The following RERE variants were observed in gnomAD, a reference collection of about 807,000 sequenced individuals.
RERE encodes the protein arginine-glutamic acid dipeptide repeats, also known as arginine-glutamic acid dipeptide repeats protein.
Under a neutral mutation model 146.1 loss-of-function variants are expected in RERE, and 40 were observed. The ratio of observed to expected loss-of-function variants is 0.27; its 90% CI spans 0.21 to 0.36. The LOEUF is 0.36. RERE is among the 10% of genes least tolerant of loss of function. RERE has a pLI of 1.00. For missense variants in RERE, 1,933 were observed against 2,138.7 expected, an observed-to-expected ratio of 0.90 and a Z score of 1.90; for synonymous variants, 1,003 against 866.0, an observed-to-expected ratio of 1.16 and a Z score of -2.78.
At position 8,715,443 on chromosome 1, in the gene RERE, G is replaced by A. The variant is rs561779000; in HGVS notation, c.-144-59002C>T. Among the ~76,000 whole-genome samples, 46 of 151,996 alleles carry A rather than the reference G, an allele frequency of 3.0e-4. 1 individual carries two copies. In the East Asian group the frequency reaches 7.8e-3, roughly 26 times the overall value. On this transcript the variant is annotated intron_variant, in intron 1 of 22. Transcript: ENST00000400908. ...GGAGAATCGCTTGAACCCAGGAGGC[G>A]GAGGTTTTGGTAAGCCGAGATTGCA...
At chr1:8,729,608 C>A (rs1640042957) in intron 1 of RERE, among the ~76,000 whole-genome samples, 1 of 152,056 alleles carries the variant, frequency 6.6e-6, no homozygotes. Context: ...ACCATACAAC[C>A]TGAAAAGACT....
At chr1:8,587,998 C>T (rs894942577) in intron 4 of RERE, among the ~76,000 whole-genome samples, 4 of 152,098 alleles carry the variant, frequency 2.6e-5, no homozygotes, top group African/African-American at 9.7e-5. Context: ...GATGCCGTAT[C>T]TTACTCATAT....
chr1:8,378,746 T>C (rs1336950099), intron 12 of RERE, among the ~76,000 whole-genome samples: 3 of 152,308 alleles, frequency 2.0e-5, no homozygotes, highest in African/African-American at 7.2e-5. Flanking sequence ...TATTCTGTCA[T>C]GGCAACCACA....
intron 1 of RERE, among the ~76,000 whole-genome samples, chr1:8,726,147 C>CTTTTTTTTTTTTTTTTTTTTTTT (rs70985511): frequency 5.8e-5 from 4 of 69,406 alleles, no homozygotes; most frequent in African/African-American, 2.0e-4. Context: ...TTTTTCTTTT[C>CTTTTTTTTTTTTTTTTTTTTTTT]TTTTTTTTTT....
chr1:8,689,700 G>A (rs905544369), intron 1 of RERE, among the ~76,000 whole-genome samples: 2 of 151,154 alleles, frequency 1.3e-5, no homozygotes, highest in Admixed American at 6.6e-5. Flanking sequence ...AAAAATAAAG[G>A]TTATATTCTT....
chr1:8,575,942 T>C (rs1646289475), intron 4 of RERE, among the ~76,000 whole-genome samples: 2 of 152,196 alleles, frequency 1.3e-5, no homozygotes, highest in African/African-American at 2.4e-5. Context: ...ACTGAAGAAC[T>C]GTTCTAAAAT....
chr1:8,375,774 T>G, intron 12 of RERE, among the ~76,000 whole-genome samples: 1 of 151,548 alleles, frequency 6.6e-6, no homozygotes, highest in East Asian at 1.9e-4. Context: ...GTTTCCTCAC[T>G]CAGCAGCCAC....
At chr1:8,694,973 A>AGGGT (rs1553135224) in intron 1 of RERE, among the ~76,000 whole-genome samples, 1 of 33,190 alleles carries the variant, frequency 3.0e-5, no homozygotes, top group Non-Finnish European at 5.5e-5. Flanking sequence ...AGAAATCCTA[A>AGGGT]GGGGGGGGGG....
chr1:8,582,415 CTT>C (rs752263040), intron 4 of RERE, among the ~76,000 whole-genome samples: 73 of 128,312 alleles, frequency 5.7e-4, no homozygotes, highest in African/African-American at 1.7e-3. Context: ...AACTTTTTTT[CTT>C]TTTTTTTTTT....
chr1:8,434,282 A>G (rs1253028090), intron 11 of RERE, among the ~76,000 whole-genome samples: 1 of 152,160 alleles, frequency 6.6e-6, no homozygotes, highest in Non-Finnish European at 1.5e-5. Context: ...TGTCTACAGA[A>G]GCTGAGCAGC....
intron 1 of RERE, among the ~76,000 whole-genome samples, chr1:8,741,902 G>A (rs1053131858): frequency 7.2e-5 from 11 of 152,112 alleles, no homozygotes; most frequent in African/African-American, 2.2e-4. Flanking sequence ...CTAAGGATAA[G>A]GAGACAATGC....
intron 12 of RERE, among the ~76,000 whole-genome samples, chr1:8,412,984 T>C (rs1472967584): frequency 6.6e-6 from 1 of 152,196 alleles, no homozygotes; most frequent in Admixed American, 6.5e-5. Flanking sequence ...GTCTGTTAGA[T>C]TTTGCTCACA....
intron 6 of RERE, among the ~76,000 whole-genome samples, chr1:8,545,685 C>CTTTTTTT (rs1165619190): frequency 7.4e-6 from 1 of 135,414 alleles, no homozygotes; most frequent in East Asian, 2.1e-4. Flanking sequence ...ATAAAAAATT[C>CTTTTTTT]TTTTTTTTTT....
At chr1:8,544,290 T>C (rs1645833188) in intron 6 of RERE, among the ~76,000 whole-genome samples, 1 of 152,244 alleles carries the variant, frequency 6.6e-6, no homozygotes, top group Admixed American at 6.5e-5. Flanking sequence ...TAAGTTTTCT[T>C]CCTCCCAAAT....
chr1:8,663,956 C>A (rs955663662), intron 1 of RERE, among the ~76,000 whole-genome samples: 6 of 152,132 alleles, frequency 3.9e-5, no homozygotes, highest in Admixed American at 6.5e-5. Context: ...TTCCAGGAGG[C>A]CTCCCAGACC....
intron 10 of RERE, among the ~76,000 whole-genome samples, chr1:8,469,334 C>G (rs765229236): frequency 1.3e-5 from 2 of 151,886 alleles, no homozygotes; most frequent in African/African-American, 2.4e-5. Flanking sequence ...ATTTCAAAAT[C>G]TTGGCTGGGC....
intron 7 of RERE, among the ~76,000 whole-genome samples, chr1:8,514,297 G>C (rs1247397517): frequency 1.3e-5 from 2 of 152,206 alleles, no homozygotes; most frequent in Non-Finnish European, 2.9e-5. Context: ...AAGAGTAACT[G>C]ATATTCCATG....
intron 1 of RERE, among the ~76,000 whole-genome samples, chr1:8,732,960 T>C (rs1240916754): frequency 1.3e-5 from 2 of 151,060 alleles, no homozygotes; most frequent in African/African-American, 2.4e-5. Flanking sequence ...TAGCTGGGAC[T>C]ACAGGCGCCC....
intron 12 of RERE, among the ~76,000 whole-genome samples, chr1:8,409,411 T>C (rs1643550230): frequency 1.3e-5 from 2 of 152,214 alleles, no homozygotes; most frequent in Admixed American, 1.3e-4. Flanking sequence ...CTGTCCACAC[T>C]TCTGTCGGGA....
Sources: allele counts gnomAD v4.1 joint callset (sites outside exome capture counted in the v4.1 genomes callset), GRCh38; gene constraint gnomAD v4.1.1; transcripts MANE v1.5; gene names NCBI Gene and HGNC (gene_info 2026-07-23, HGNC 2026-07-21).